Variants in FARS2 observed in about 807,000 individuals in gnomAD.
FARS2 encodes phenylalanine--tRNA ligase, mitochondrial.
In FARS2, 40 loss-of-function variants were observed where a neutral mutation model predicts 46.4. The ratio of observed to expected loss-of-function variants is 0.86; its 90% CI spans 0.67 to 1.12. The LOEUF (loss-of-function observed/expected upper bound fraction) is 1.12. Ranked by LOEUF, FARS2 falls within the 50% of genes most tolerant of loss-of-function variation. FARS2 has a pLI of 0.00. For missense variants in FARS2, 513 were observed against 567.9 expected, an observed-to-expected ratio of 0.90 and a Z score of 0.98; for synonymous variants, 234 against 214.9, an observed-to-expected ratio of 1.09 and a Z score of -0.78.
At chr6:5,260,901 ACGGCGCCAGGCGTCCCGCGCCGCTT>A, upstream of FARS2, 2 of 1,392,336 alleles carry the variant, frequency 1.4e-6, no homozygotes, top group South Asian at 1.6e-5. Flanking sequence ...CGGATCGCGG[ACGGCGCCAGGCGTCCCGCGCCGCTT>A]CGGGGGCGGG....
intron 5 of FARS2, among the ~76,000 whole-genome samples, chr6:5,570,879 C>T (rs1430335675): frequency 6.6e-6 from 1 of 152,186 alleles, no homozygotes; most frequent in African/African-American, 2.4e-5. Flanking sequence ...CCGTCAGGTT[C>T]TGCACATTTC....
At chr6:5,463,579 T>C (rs1270183216) in intron 4 of FARS2, among the ~76,000 whole-genome samples, 3 of 152,226 alleles carry the variant, frequency 2.0e-5, no homozygotes, top group Non-Finnish European at 4.4e-5. Flanking sequence ...GAAACTATCA[T>C]AGGAAAAATT....
chr6:5,596,801 G>A (rs1198772339), intron 5 of FARS2, among the ~76,000 whole-genome samples: 2 of 152,200 alleles, frequency 1.3e-5, no homozygotes, highest in South Asian at 2.1e-4. Flanking sequence ...GTAACCAGTG[G>A]AATCCAAAAT....
chr6:5,686,655 A>G (rs1182339180), intron 6 of FARS2, among the ~76,000 whole-genome samples: 1 of 152,250 alleles, frequency 6.6e-6, no homozygotes, highest in Non-Finnish European at 1.5e-5. Context: ...TAGTGCCACA[A>G]TAAACATACA....
At chr6:5,478,635 C>T (rs919459871) in intron 4 of FARS2, among the ~76,000 whole-genome samples, 1 of 151,926 alleles carries the variant, frequency 6.6e-6, no homozygotes, top group Admixed American at 6.5e-5. Flanking sequence ...CCATGATTCT[C>T]TCACATCGAC....
chr6:5,375,723 A>T (rs1759335525), intron 2 of FARS2, among the ~76,000 whole-genome samples: 1 of 152,090 alleles, frequency 6.6e-6, no homozygotes, highest in African/African-American at 2.4e-5. Flanking sequence ...ATATCACATA[A>T]GTGGGAGGTG....
In FARS2 at chr6:5,551,136, ACTGTTTGCTTGGAAATTTC is replaced by A. The variant is rs1457822242; in HGVS notation, c.1065+5799_1065+5817del. Among the ~76,000 whole-genome samples, 3 of 152,070 alleles carry A rather than the reference ACTGTTTGCTTGGAAATTTC, an allele frequency of 2.0e-5. No homozygotes were observed. The South Asian group carries it at 6.2e-4, about 32-fold the overall frequency. ...CAAGAATAAAGCAGGCTGCATTTTC[ACTGTTTGCTTGGAAATTTC>A]CTCAGCTAAATATCCAAGTTCATTG... On this transcript the variant is annotated intron_variant, in intron 5 of 6. Transcript: ENST00000274680.
At chr6:5,445,876 A>G (rs1396833370) in intron 4 of FARS2, among the ~76,000 whole-genome samples, 2 of 152,196 alleles carry the variant, frequency 1.3e-5, no homozygotes, top group African/African-American at 4.8e-5. Context: ...TTTCTGGGGA[A>G]GCAGGGACAA....
intron 6 of FARS2, among the ~76,000 whole-genome samples, chr6:5,674,376 C>T (rs1264726059): frequency 6.6e-6 from 1 of 152,022 alleles, no homozygotes; most frequent in Non-Finnish European, 1.5e-5. Flanking sequence ...AGTTAACTTC[C>T]TGTCGAGGAT....
chr6:5,592,068 A>T (rs1432689121), intron 5 of FARS2, among the ~76,000 whole-genome samples: 1 of 152,188 alleles, frequency 6.6e-6, no homozygotes, highest in African/African-American at 2.4e-5. Flanking sequence ...ATATTTTTAT[A>T]TGGCTGCTCT....
chr6:5,542,267 C>T (rs182817864), intron 4 of FARS2, among the ~76,000 whole-genome samples: 2 of 152,164 alleles, frequency 1.3e-5, no homozygotes, highest in Non-Finnish European at 2.9e-5. Flanking sequence ...AAGATGGAGT[C>T]ACTCTGGTTC....
At position 5,447,153 on chromosome 6, in the gene FARS2, G is replaced by A. The variant is rs142999608; in HGVS notation, c.904+15981G>A. 3.4e-3 allele frequency among the ~76,000 whole-genome samples: 513 copies of A among 152,288 alleles called. 6 individuals carry two copies. The highest frequency in any genetic ancestry group is 0.012 in the African/African-American group (495 of 41,552). On this transcript the variant is annotated intron_variant, in intron 4 of 6. Coordinates refer to ENST00000274680, the MANE Select transcript of FARS2 (RefSeq NM_006567.5). ...GCATTACTGTGGAGTGTGAGTGGAA[G>A]AAATGCAAGTTCAAAGACAAGGAGA...
At chr6:5,476,325 T>C (rs1033210297) in intron 4 of FARS2, among the ~76,000 whole-genome samples, 27 of 152,230 alleles carry the variant, frequency 1.8e-4, no homozygotes, top group African/African-American at 6.5e-4. Flanking sequence ...CTAATTGATG[T>C]TTTCTTTTAT....
rs140913675 is a variant in FARS2 at position 5,563,884 on chromosome 6, C to T, written c.1065+18544C>T. 1.2e-4 allele frequency among the ~76,000 whole-genome samples: 18 copies of T among 152,222 alleles called. No individual in the cohort carries two copies. In the East Asian group the frequency reaches 1.5e-3, roughly 13 times the overall value. On this transcript the variant is annotated intron_variant, in intron 5 of 6. Transcript: ENST00000274680. ...GATTGTAGCCCCTCAGGGCTGAGGC[C>T]GGCATTTTCCCTGAGCCTGTCAACA...
At chr6:5,424,142 C>G (rs1047666307) in intron 3 of FARS2, among the ~76,000 whole-genome samples, 3 of 152,098 alleles carry the variant, frequency 2.0e-5, no homozygotes, top group Admixed American at 6.5e-5. Context: ...AGCTGGTGTT[C>G]TTTTATCAGC....
chr6:5,425,010 T>C lies in FARS2; in HGVS notation c.773-6031T>C, dbSNP rs1279726689. On this transcript the variant is annotated intron_variant, in intron 3 of 6. Coordinates refer to ENST00000274680, the MANE Select transcript of FARS2 (RefSeq NM_006567.5). ...CAGAGAGTCCCCTCCTTCCTTTTTC[T>C]TTCCACGTTCCTTTCCTTCCTTGGA... 2.6e-5 allele frequency among the ~76,000 whole-genome samples: 4 copies of C among 152,202 alleles called. 1 individual carries two copies. Among genetic ancestry groups the C allele is most frequent in the Admixed American group, 1.3e-4 (2 of 15,286 alleles).
At position 5,531,167 on chromosome 6, in the gene FARS2, T is replaced by C. The variant is rs1157071713; in HGVS notation, c.905-14013T>C. 2.0e-5 allele frequency among the ~76,000 whole-genome samples: 3 copies of C among 152,154 alleles called. No homozygotes were observed. The East Asian group carries it at 5.8e-4, about 29-fold the overall frequency. On this transcript the variant is annotated intron_variant, in intron 4 of 6. Transcript: ENST00000274680. Reference sequence around the variant, plus strand: ...CTAGCAGATTTTCACGTATATCTTATATTTTATATCACTCACATCTCATTG... The same window carrying C: ...CTAGCAGATTTTCACGTATATCTTACATTTTATATCACTCACATCTCATTG...
At chr6:5,684,278 C>T (rs1779184968) in intron 6 of FARS2, among the ~76,000 whole-genome samples, 1 of 152,174 alleles carries the variant, frequency 6.6e-6, no homozygotes. Context: ...ATAAACCCCA[C>T]TGACACGTCC....
intron 2 of FARS2, among the ~76,000 whole-genome samples, chr6:5,389,823 GT>G (rs1024014268): frequency 3.3e-5 from 5 of 151,156 alleles, no homozygotes; most frequent in South Asian, 4.2e-4. Flanking sequence ...TCCTACTACA[GT>G]TTTTTTGTTT....
Sources: gnomAD v4.1 joint callset for allele counts (sites outside exome capture counted in the v4.1 genomes callset) on GRCh38, gnomAD v4.1.1 for gene constraint, MANE v1.5 for transcripts, NCBI Gene and HGNC (gene_info 2026-07-23, HGNC 2026-07-21) for gene names.